The following CDYL variants were observed in gnomAD, a reference collection of about 807,000 sequenced individuals.
CDYL encodes the protein chromodomain Y like, also known as chromodomain Y-like protein.
In CDYL, 8 loss-of-function variants were observed where a neutral mutation model predicts 47.3. The ratio of observed to expected loss-of-function variants is 0.17; its 90% CI spans 0.10 to 0.31. CDYL has a LOEUF of 0.31. CDYL is among the 10% of genes least tolerant of loss of function. The pLI, the probability that CDYL is intolerant of heterozygous loss-of-function variation, is 1.00. For synonymous variants in CDYL, 266 were observed against 265.0 expected, an observed-to-expected ratio of 1.00 and a Z score of -0.04; for missense variants, 471 against 701.4, an observed-to-expected ratio of 0.67 and a Z score of 3.71.
At chr6:4,825,242 A>G (rs1759949352) in intron 1 of CDYL, among the ~76,000 whole-genome samples, 1 of 152,042 alleles carries the variant, frequency 6.6e-6, no homozygotes. Flanking sequence ...AGTATATAGA[A>G]ACACTCTGAT....
chr6:4,716,301 C>T (rs996672528), intron 2 of CDYL, among the ~76,000 whole-genome samples: 1 of 151,928 alleles, frequency 6.6e-6, no homozygotes, highest in East Asian at 1.9e-4. Flanking sequence ...TCAACATAAG[C>T]TTTCTGGTAT....
intron 1 of CDYL, among the ~76,000 whole-genome samples, chr6:4,833,495 A>G (rs1459354528): frequency 6.6e-6 from 1 of 151,026 alleles, no homozygotes; most frequent in Non-Finnish European, 1.5e-5. Flanking sequence ...ACTTCCAAGT[A>G]TGTGGTCAAT....
At chr6:4,878,548 C>G (rs184750366) in intron 1 of CDYL, among the ~76,000 whole-genome samples, 9 of 151,916 alleles carry the variant, frequency 5.9e-5, no homozygotes, top group South Asian at 2.1e-4. Flanking sequence ...AGGAACATGT[C>G]TACTTTTACG....
rs147820759 is a variant in CDYL, at chr6:4,894,941, GTGTATGCATGTGTATATATACGTA to G, written c.691+2566_691+2589del. On this transcript the variant is annotated intron_variant, in intron 2 of 6. Transcript: ENST00000397588. ...TATACACATATGTATGTGTGTATAT[GTGTATGCATGTGTATATATACGTA>G]TGTGTATATGTGTATGCATATGTGT... Among the ~76,000 whole-genome samples the G allele has an allele frequency of 5.6e-4, 8 of 14,256 alleles. No homozygotes were observed. The Non-Finnish European group carries it at 0.014, about 25-fold the overall frequency. 9.4% of individuals were successfully genotyped at this position (14,256 alleles called of 152,430 possible).
intron 1 of CDYL, among the ~76,000 whole-genome samples, chr6:4,876,942 C>T (rs753023507): frequency 2.0e-5 from 3 of 152,152 alleles, no homozygotes; most frequent in African/African-American, 4.8e-5. Flanking sequence ...GCCATGAGGG[C>T]GCCACCATGG....
At chr6:4,934,395 AG>A (rs757424272) in intron 2 of CDYL, among the ~76,000 whole-genome samples, 9 of 152,134 alleles carry the variant, frequency 5.9e-5, no homozygotes, top group Non-Finnish European at 1.0e-4. Context: ...AATGAAAGTC[AG>A]GTTGTTTTGC....
chr6:4,799,871 TTAGA>T (rs1338586358), intron 1 of CDYL, among the ~76,000 whole-genome samples: 15 of 152,376 alleles, frequency 9.8e-5, no homozygotes, highest in African/African-American at 3.6e-4. Flanking sequence ...GAAGCTGTCA[TTAGA>T]TGGATGTATA....
At chr6:4,935,823 T>A (rs774522723) in intron 3 of CDYL, 52 bp downstream of exon 3, 2 of 1,604,606 alleles carry the variant, frequency 1.2e-6, no homozygotes, top group South Asian at 2.2e-5. Context: ...CCTGCCTGAT[T>A]TCCAGGCCTG....
Position 4,747,254 on chromosome 6 carries a change from CAG to C in CDYL, c.186+12414_186+12415del, listed in dbSNP as rs111959194. On this transcript the variant is annotated intron_variant, in intron 3 of 8. Transcript: ENST00000328908. Reference sequence around the variant, plus strand: ...CCTGGGAGGCAGAGGTTGCAGTGAGCAGAGATTGTGCCACTGCACTCCAGCCT... The same window carrying C: ...CCTGGGAGGCAGAGGTTGCAGTGAGCAGATTGTGCCACTGCACTCCAGCCT... Among the ~76,000 whole-genome samples, 1,188 of 142,526 alleles carry C rather than the reference CAG, an allele frequency of 8.3e-3. 19 individuals carry two copies. Among genetic ancestry groups the C allele is most frequent in the African/African-American group, 0.029 (1,121 of 38,244 alleles). 93.5% of individuals were successfully genotyped at this position (142,526 alleles called of 152,430 possible).
At chr6:4,911,276 G>A (rs1448986678) in intron 2 of CDYL, among the ~76,000 whole-genome samples, 1 of 152,232 alleles carries the variant, frequency 6.6e-6, no homozygotes. Context: ...TGCATGCCGT[G>A]GCATTGGTGA....
At chr6:4,947,250 T>TA (rs1379637716) in intron 5 of CDYL, among the ~76,000 whole-genome samples, 1 of 152,164 alleles carries the variant, frequency 6.6e-6, no homozygotes, top group East Asian at 1.9e-4. Context: ...AAGGGGGGCT[T>TA]ACGTGTTCTG....
chr6:4,886,924 G>A (rs941482011), intron 1 of CDYL, among the ~76,000 whole-genome samples: 2 of 152,136 alleles, frequency 1.3e-5, no homozygotes, highest in East Asian at 3.9e-4. Context: ...TGGATATCCA[G>A]TTGTCCCAAG....
chr6:4,953,205 A>G (rs894440579), intron 6 of CDYL, among the ~76,000 whole-genome samples: 1 of 151,782 alleles, frequency 6.6e-6, no homozygotes, highest in East Asian at 2.0e-4. Flanking sequence ...CCAACATGGC[A>G]AAACCCCGTC....
intron 1 of CDYL, among the ~76,000 whole-genome samples, chr6:4,826,064 A>G (rs1406482570): frequency 6.6e-6 from 1 of 152,318 alleles, no homozygotes; most frequent in East Asian, 1.9e-4. Flanking sequence ...CAGGCAAGTC[A>G]CTTAACATTT....
chr6:4,776,747 GA>G lies in CDYL; in HGVS notation c.-36del. On this transcript the variant is annotated 5_prime_UTR_variant, in exon 1 of 7. Transcript: ENST00000397588. The stretch of plus-strand genomic sequence containing the variant: ...GCCGCCCGGCGCCGGCGCCCGCCCC[GA>G]CCCTGCCCCTCCCGCCCGCAACTCC... 1.2e-5 allele frequency: 6 copies of G among 490,972 alleles called. No individual in the cohort carries two copies. The highest frequency in any genetic ancestry group is 1.8e-5 in the Non-Finnish European group (6 of 340,088). The allele number at this position is 490,972 out of a possible 1,614,324, so 30.4% of individuals were successfully genotyped here. A position where few individuals can be genotyped will look rare whatever the true frequency, so the allele number is the denominator to read the frequency against.
chr6:4,910,614 A>G (rs1757382556), intron 2 of CDYL, among the ~76,000 whole-genome samples: 1 of 152,220 alleles, frequency 6.6e-6, no homozygotes, highest in Non-Finnish European at 1.5e-5. Flanking sequence ...CAGCTGAGCA[A>G]CTTAAGAGAC....
At chr6:4,918,367 C>T (rs979744217) in intron 2 of CDYL, among the ~76,000 whole-genome samples, 9 of 147,190 alleles carry the variant, frequency 6.1e-5, no homozygotes, top group Non-Finnish European at 1.1e-4. Flanking sequence ...GGGTGATGTT[C>T]TGCCCCCCCC....
At chr6:4,778,865 G>A (rs1048300036) in intron 1 of CDYL, among the ~76,000 whole-genome samples, 2 of 151,996 alleles carry the variant, frequency 1.3e-5, no homozygotes, top group Non-Finnish European at 2.9e-5. Context: ...GCCTAGATTT[G>A]GAGTCAGACA....
At chr6:4,776,184 C>T (rs186106039), upstream of CDYL, among the ~76,000 whole-genome samples, 49 of 882 alleles carry the variant, frequency 0.056, 1 homozygote, top group East Asian at 0.38. Context: ...CGGCCCCGCC[C>T]CCGACTGCCC....
Sources: gnomAD v4.1 joint callset for allele counts (sites outside exome capture counted in the v4.1 genomes callset) on GRCh38, gnomAD v4.1.1 for gene constraint, MANE v1.5 for transcripts, NCBI Gene and HGNC (gene_info 2026-07-23, HGNC 2026-07-21) for gene names.